ATP2A2: variants seen among roughly 807,000 people sequenced by gnomAD.
ATP2A2 encodes the protein ATPase sarcoplasmic/endoplasmic reticulum Ca2+ transporting 2.
ATP2A2 carries 14 observed loss-of-function variants against 109.3 expected under a neutral mutation model. That is an observed-to-expected ratio of 0.13 (90% confidence interval 0.08 to 0.20). The LOEUF is 0.20. Ranked by LOEUF, ATP2A2 falls within the 10% of genes least tolerant of loss-of-function variation. The probability of loss-of-function intolerance (pLI) is 1.00; values close to 1 mark genes in which losing one functional copy is unlikely to be tolerated. For synonymous variants in ATP2A2, 506 were observed against 490.9 expected (o/e 1.03, Z -0.41); for missense variants, 657 against 1,321.6 (o/e 0.50, Z 7.80).
intron 11 of ATP2A2, among the ~76,000 whole-genome samples, chr12:110,337,510 A>G (rs565657868): frequency 7.2e-5 from 11 of 152,370 alleles, no homozygotes; most frequent in African/African-American, 2.6e-4. Context: ...CGTAGCACTC[A>G]TACCCATTCC....
At chr12:110,288,275 AT>A (rs921416939) in intron 3 of ATP2A2, among the ~76,000 whole-genome samples, 8 of 151,210 alleles carry the variant, frequency 5.3e-5, no homozygotes, top group African/African-American at 1.2e-4. Context: ...TTAAAAAAAA[AT>A]TTTTTTTTAT....
chr12:110,321,503 CTCTG>C (rs1269419845), intron 5 of ATP2A2, among the ~76,000 whole-genome samples: 1 of 152,176 alleles, frequency 6.6e-6, no homozygotes, highest in Non-Finnish European at 1.5e-5. Flanking sequence ...CAAAGTCTCG[CTCTG>C]TCTCCAAAGC....
chr12:110,311,290 G>A (rs1345587926), intron 5 of ATP2A2, among the ~76,000 whole-genome samples: 4 of 152,096 alleles, frequency 2.6e-5, no homozygotes, highest in Non-Finnish European at 4.4e-5. Context: ...ACTCAGGCTG[G>A]TCTTGAACTC....
In ATP2A2 at chr12:110,346,623, C is replaced by T; in HGVS notation, c.*153C>T. 1 of 1,486,102 alleles carries T rather than the reference C, an allele frequency of 6.7e-7. No individual in the cohort carries two copies. The highest frequency in any genetic ancestry group is 8.9e-7 in the Non-Finnish European group (1 of 1,127,026). 92.1% of individuals were successfully genotyped at this position (1,486,102 alleles called of 1,614,324 possible). A position where few individuals can be genotyped will look rare whatever the true frequency, so the allele number is the denominator to read the frequency against. ...GATTTTGTTTTGCTTTTTCTGACTC[C>T]AGTGGGGCAAGATTTTCCTTTTTTA... On this transcript the variant is annotated 3_prime_UTR_variant, in exon 20 of 20. Transcript: ENST00000539276.
rs1265979590 is a variant in ATP2A2 at position 110,347,066 on chromosome 12, C to A, written c.*596C>A. On this transcript the variant is annotated 3_prime_UTR_variant, in exon 20 of 20. Coordinates refer to ENST00000539276, the MANE Select transcript of ATP2A2 (RefSeq NM_170665.4). ...CCCACCTTACCCCCGCCCCGCTTGG[C>A]TTCTTCTTTAGGATTGTGATGGTTC... The A allele has an allele frequency of 1.2e-6, 1 of 819,098 alleles. No individual in the cohort carries two copies. Among genetic ancestry groups the A allele is most frequent in the African/African-American group, 2.0e-5 (1 of 48,848 alleles). The allele number at this position is 819,098 out of a possible 1,614,324, so 50.7% of individuals were successfully genotyped here.
chr12:110,298,783 T>A (rs1874236605), intron 5 of ATP2A2, among the ~76,000 whole-genome samples: 1 of 152,224 alleles, frequency 6.6e-6, no homozygotes, highest in South Asian at 2.1e-4. Flanking sequence ...ATTTTTTCAC[T>A]CTGTATACAC....
intron 5 of ATP2A2, among the ~76,000 whole-genome samples, chr12:110,322,705 C>T (rs889556242): frequency 1.5e-4 from 23 of 152,082 alleles, no homozygotes; most frequent in African/African-American, 5.6e-4. Context: ...AAAGTGAAAG[C>T]TTGAAGGCCT....
intron 5 of ATP2A2, among the ~76,000 whole-genome samples, chr12:110,304,062 A>G (rs2137744008): frequency 6.6e-6 from 1 of 152,276 alleles, no homozygotes; most frequent in East Asian, 1.9e-4. Flanking sequence ...TTTTCTGGAT[A>G]TTGCATATAA....
In ATP2A2 at chr12:110,345,372, G is replaced by A. The variant is rs1271031371; in HGVS notation, c.2731G>A (p.Ala911Thr). Reference protein sequence around the residue: ...SVLVTIEMCNALNSLSENQSL... With the variant: ...SVLVTIEMCNTLNSLSENQSL... ...TCTAGTAACTATAGAAATGTGTAAC[G>A]CCCTCAACAGGTTAGTGCACCTTCA... Residue 911 changes from alanine (A) to threonine (T), a missense_variant, in exon 18 of 20, where the codon GCC becomes ACC. Physicochemically the swap from Ala to Thr is moderately conservative, Grantham distance 58. Around this residue, in one of 9 missense-constraint regions of ATP2A2, gnomAD observed 125 missense variants for 243.5 expected, o/e 0.51. Coordinates refer to ENST00000539276, the MANE Select transcript of ATP2A2 (RefSeq NM_170665.4). 1 of 1,614,192 alleles carries A rather than the reference G, an allele frequency of 6.2e-7. No homozygotes were observed.
rs199660322 is a variant in ATP2A2, at chr12:110,343,124, AGTT to A, written c.2319-102_2319-100del. ...TATAAGTATTTTACAGATTACCTGA[AGTT>A]GTTGTCATTTATTTTTCTGGAGGAG... On this transcript the variant is annotated intron_variant, in intron 15 of 19. Transcript: ENST00000539276. The A allele has an allele frequency of 1.3e-3, 1,487 of 1,121,972 alleles. 14 individuals are homozygous for A. The African/African-American group carries it at 0.019, about 15-fold the overall frequency. The allele number at this position is 1,121,972 out of a possible 1,614,324, so 69.5% of individuals were successfully genotyped here.
intron 3 of ATP2A2, among the ~76,000 whole-genome samples, chr12:110,288,434 T>C (rs1872896632): frequency 6.6e-6 from 1 of 151,888 alleles, no homozygotes; most frequent in African/African-American, 2.4e-5. Flanking sequence ...GATGGAGTTT[T>C]GCTCTTGTCA....
At chr12:110,296,190 C>G (rs1481604049) in intron 4 of ATP2A2, 1 of 199,248 alleles carries the variant, frequency 5.0e-6, no homozygotes, top group Non-Finnish European at 1.0e-5. Context: ...TCTCGTCTCA[C>G]TGCAGCCTCC....
intron 3 of ATP2A2, among the ~76,000 whole-genome samples, chr12:110,285,946 G>T (rs1183745502): frequency 2.1e-5 from 3 of 141,936 alleles, no homozygotes. Context: ...AAATGTAGAT[G>T]GAGTCTCACT....
chr12:110,294,256 G>A (rs1426306104), intron 4 of ATP2A2, among the ~76,000 whole-genome samples: 1 of 152,054 alleles, frequency 6.6e-6, no homozygotes, highest in African/African-American at 2.4e-5. Flanking sequence ...TGTTAGCCAG[G>A]ATGGTCTCGA....
chr12:110,330,971 C>A (rs1878273654), intron 8 of ATP2A2: 1 of 152,152 alleles, frequency 6.6e-6, no homozygotes, highest in African/African-American at 2.4e-5. Flanking sequence ...TGGCTGGGCA[C>A]AGTGGTTCAC....
intron 11 of ATP2A2, among the ~76,000 whole-genome samples, chr12:110,336,288 G>A: frequency 6.6e-6 from 1 of 152,204 alleles, no homozygotes. Context: ...AGGTCTGGGG[G>A]AGGAGAGAGG....
At position 110,348,719 on chromosome 12, in the gene ATP2A2, A is replaced by G. The variant is rs189898308; in HGVS notation, c.*2249A>G. 3.6e-5 allele frequency: 35 copies of G among 985,350 alleles called. No homozygotes were observed. In the African/African-American group the frequency reaches 5.8e-4, roughly 16 times the overall value. The allele number at this position is 985,350 out of a possible 1,614,324, so 61.0% of individuals were successfully genotyped here. A position where few individuals can be genotyped will look rare whatever the true frequency, so the allele number is the denominator to read the frequency against. On this transcript the variant is annotated 3_prime_UTR_variant, in exon 20 of 20. Coordinates refer to ENST00000539276, the MANE Select transcript of ATP2A2 (RefSeq NM_170665.4). The stretch of plus-strand genomic sequence containing the variant: ...GCCCTGTCAAAAAAAAATCAGCCTT[A>G]CTGTGAAGCCTCCAAGGCTGCTCGC...
chr12:110,327,936 T>C lies in ATP2A2; in HGVS notation c.1014T>C (p.Ser338=), dbSNP rs772529432. 1 of 1,614,142 alleles carries C rather than the reference T, an allele frequency of 6.2e-7. No homozygotes were observed. The highest frequency in any genetic ancestry group is 8.5e-7 in the Non-Finnish European group (1 of 1,180,010). The change falls in exon 8 of 20, where the codon TCT becomes TCC. Residue 338 remains serine, a synonymous_variant. Coordinates refer to ENST00000539276, the MANE Select transcript of ATP2A2 (RefSeq NM_170665.4). This position sits in a 1 kb window ranked among gnomAD's most constrained non-coding sequence, Gnocchi z 4.4. ...ATGCCATTGTTCGAAGCCTCCCGTC[T>C]GTGGAAACCCTTGGTTGTACTTCTG... ...KKNAIVRSLP[S]VETLGCTSVI... is the part of the protein sequence containing the mutation.
intron 5 of ATP2A2, among the ~76,000 whole-genome samples, chr12:110,311,595 C>CA (rs67023919): frequency 0.045 from 1,137 of 25,212 alleles, 384 homozygotes; most frequent in African/African-American, 0.094. Flanking sequence ...GACTCCATCT[C>CA]AAAAAAAAAA....
Sources: gnomAD v4.1 joint callset for allele counts (sites outside exome capture counted in the v4.1 genomes callset) on GRCh38, gnomAD v4.1.1 for gene constraint, gnomAD v4.1.1 regional missense constraint, Gnocchi (gnomAD v3.1) non-coding constraint, MANE v1.5 for transcripts, NCBI Gene and HGNC (gene_info 2026-07-23, HGNC 2026-07-21) for gene names.